SHISA9: variants seen among roughly 807,000 people sequenced by gnomAD.
SHISA9 encodes the protein protein shisa-9.
SHISA9 carries 13 observed loss-of-function variants against 38.0 expected under a neutral mutation model. That is an observed-to-expected ratio of 0.34 (90% CI 0.22 to 0.54). SHISA9 has a LOEUF of 0.54. SHISA9 is among the 20% of genes least tolerant of loss of function. SHISA9 has a pLI of 0.91. For missense variants in SHISA9, 538 were observed against 575.8 expected (o/e 0.93, Z 0.67); for synonymous variants, 275 against 242.0 (o/e 1.14, Z -1.27).
rs569837488 is a variant in SHISA9, at chr16:12,983,638, G to A, written c.691+66823G>A. ...CAAGTAGCTGGGACTACAGGCGCCC[G>A]CCACCATGCCTGGCTAATTTTTTGT... On this transcript the variant is annotated intron_variant, in intron 2 of 4. Coordinates refer to ENST00000558583, the MANE Select transcript of SHISA9 (RefSeq NM_001145204.3). 3.3e-5 allele frequency among the ~76,000 whole-genome samples: 5 copies of A among 152,186 alleles called. No homozygotes were observed. The South Asian group carries it at 6.2e-4, about 19-fold the overall frequency.
intron 2 of SHISA9, among the ~76,000 whole-genome samples, chr16:13,190,081 CT>C (rs71395104): frequency 0.39 from 56,403 of 144,786 alleles, 11,885 homozygotes; most frequent in African/African-American, 0.59. Flanking sequence ...ACCCTTTAGT[CT>C]TTTTTTTTTT....
the SHISA9 span, among the ~76,000 whole-genome samples, chr16:13,394,061 C>G: frequency 6.6e-6 from 1 of 152,204 alleles, no homozygotes; most frequent in South Asian, 2.1e-4. Flanking sequence ...GCGGATGGAA[C>G]TTGAATGGGA....
chr16:13,429,374 C>T, the SHISA9 span, among the ~76,000 whole-genome samples: 1 of 152,060 alleles, frequency 6.6e-6, no homozygotes, highest in Non-Finnish European at 1.5e-5. Context: ...GTATTCCATG[C>T]CTCTCTCACA....
At chr16:13,506,288 G>C in the SHISA9 span, among the ~76,000 whole-genome samples, 1 of 152,100 alleles carries the variant, frequency 6.6e-6, no homozygotes, top group Non-Finnish European at 1.5e-5. Flanking sequence ...CAAGGGGCTT[G>C]GGGACATCAG....
chr16:12,939,965 G>A (rs1333874398), intron 2 of SHISA9, among the ~76,000 whole-genome samples: 1 of 152,132 alleles, frequency 6.6e-6, no homozygotes, highest in African/African-American at 2.4e-5. Context: ...TGGTCCTGAG[G>A]CCATATTTTC....
chr16:13,457,828 G>T, the SHISA9 span, among the ~76,000 whole-genome samples: 5 of 151,992 alleles, frequency 3.3e-5, no homozygotes, highest in African/African-American at 1.2e-4. Flanking sequence ...AAAATTAAAT[G>T]AATAATCACA....
rs1416111724 is a variant in SHISA9, at chr16:13,015,904, T to TTCTTTCTC, written c.691+99094_691+99095insCTCTCTTT. 3.5e-3 allele frequency among the ~76,000 whole-genome samples: 419 copies of TTCTTTCTC among 120,268 alleles called. 4 individuals carry two copies. The highest frequency in any genetic ancestry group is 8.2e-3 in the East Asian group (33 of 4,028). 78.9% of individuals were successfully genotyped at this position (120,268 alleles called of 152,430 possible). ...TTTCTTTCTTTCTTTCTTTCTTTCT[T>TTCTTTCTC]TCTTTTCTTTCTTTCTCCTTCCTTC... On this transcript the variant is annotated intron_variant, in intron 2 of 4. Transcript: ENST00000558583.
chr16:13,152,050 A>G (rs1325097827), intron 2 of SHISA9, among the ~76,000 whole-genome samples: 2 of 152,204 alleles, frequency 1.3e-5, no homozygotes, highest in African/African-American at 2.4e-5. Context: ...TGAGAAGAAG[A>G]TCAGGGAGGA....
rs1014674159 is a variant in SHISA9, at chr16:12,974,001, G to A, written c.691+57186G>A. On this transcript the variant is annotated intron_variant, in intron 2 of 4. Coordinates refer to ENST00000558583, the MANE Select transcript of SHISA9 (RefSeq NM_001145204.3). The stretch of plus-strand genomic sequence containing the variant: ...AAGTGGCATCAAAGTATTATTGGAA[G>A]TGAGGCCCAGAGTGGGCTGAAGACA... Among the ~76,000 whole-genome samples, 5 of 152,346 alleles carry A rather than the reference G, an allele frequency of 3.3e-5. No homozygotes were observed. The East Asian group carries it at 9.6e-4, about 29-fold the overall frequency.
chr16:13,287,387 T>C, the SHISA9 span, among the ~76,000 whole-genome samples: 1 of 152,146 alleles, frequency 6.6e-6, no homozygotes, highest in East Asian at 1.9e-4. Context: ...TCTGAGTGGC[T>C]AACATGATAA....
chr16:13,443,513 A>T, the SHISA9 span, among the ~76,000 whole-genome samples: 1 of 152,234 alleles, frequency 6.6e-6, no homozygotes, highest in Non-Finnish European at 1.5e-5. Context: ...GCAAGCCCTG[A>T]TAATCTTTAA....
chr16:13,110,382 A>G (rs1337825120), intron 2 of SHISA9, among the ~76,000 whole-genome samples: 3 of 152,196 alleles, frequency 2.0e-5, no homozygotes, highest in Non-Finnish European at 4.4e-5. Flanking sequence ...AGCAGCTGCG[A>G]TGTTTCCGTG....
chr16:13,209,598 A>G (rs2051098943), intron 3 of SHISA9, among the ~76,000 whole-genome samples: 1 of 152,224 alleles, frequency 6.6e-6, no homozygotes, highest in Non-Finnish European at 1.5e-5. Flanking sequence ...GACTCTCCTT[A>G]CTAAAGCAAA....
chr16:13,364,479 A>G, the SHISA9 span, among the ~76,000 whole-genome samples: 1 of 152,250 alleles, frequency 6.6e-6, no homozygotes, highest in Non-Finnish European at 1.5e-5. Context: ...TGAATATGCA[A>G]GATGGTTCTT....
chr16:13,251,124 C>T, the SHISA9 span, among the ~76,000 whole-genome samples: 17 of 152,122 alleles, frequency 1.1e-4, no homozygotes, highest in Admixed American at 2.6e-4. Flanking sequence ...GATAAAACAG[C>T]AGATGGAAAA....
Position 13,201,166 on chromosome 16 carries a change from T to C in SHISA9, c.692-2228T>C, listed in dbSNP as rs919151034. ...ACTTGGTACCACCTGTTTTTGTAAA[T>C]AAAGTTTTATTGGAACACAGCCACA... On this transcript the variant is annotated intron_variant, in intron 2 of 4. Coordinates refer to ENST00000558583, the MANE Select transcript of SHISA9 (RefSeq NM_001145204.3). Among the ~76,000 whole-genome samples, 34 of 135,074 alleles carry C rather than the reference T, an allele frequency of 2.5e-4. 6 individuals are homozygous for C. Among genetic ancestry groups the C allele is most frequent in the Non-Finnish European group, 8.1e-5 (5 of 61,990 alleles). 88.6% of individuals were successfully genotyped at this position (135,074 alleles called of 152,430 possible).
the SHISA9 span, among the ~76,000 whole-genome samples, chr16:13,266,446 G>A: frequency 6.6e-6 from 1 of 152,170 alleles, no homozygotes; most frequent in Admixed American, 6.5e-5. Flanking sequence ...TGGAATGACT[G>A]CAGGCTGTTT....
chr16:13,213,358 TAATG>T, intron 4 of SHISA9, 58 bp downstream of exon 4: 3 of 1,482,406 alleles, frequency 2.0e-6, no homozygotes, highest in South Asian at 2.4e-5. Context: ...TAGCATTAAA[TAATG>T]AAGGGATAGA....
the SHISA9 span, among the ~76,000 whole-genome samples, chr16:13,327,911 G>A: frequency 5.3e-5 from 8 of 151,982 alleles, no homozygotes; most frequent in African/African-American, 1.2e-4. Flanking sequence ...CACCCACTTC[G>A]GCCTCCCAAA....
Sources: gnomAD v4.1 joint callset for allele counts (sites outside exome capture counted in the v4.1 genomes callset) on GRCh38, gnomAD v4.1.1 for gene constraint, MANE v1.5 for transcripts, NCBI Gene and HGNC (gene_info 2026-07-23, HGNC 2026-07-21) for gene names.